The following DRC11 variants were observed in gnomAD, a reference collection of about 807,000 sequenced individuals.
The protein encoded by DRC11 is IQ and AAA domain-containing protein 1.
At chr2:236,410,430 T>A in the DRC11 span, among the ~76,000 whole-genome samples, 1 of 151,962 alleles carries the variant, frequency 6.6e-6, no homozygotes, top group Non-Finnish European at 1.5e-5. Flanking sequence ...TCCATGCTCA[T>A]GGGTAGGAAG....
the DRC11 span, among the ~76,000 whole-genome samples, chr2:236,399,033 A>C: frequency 6.6e-6 from 1 of 151,452 alleles, no homozygotes; most frequent in East Asian, 1.9e-4. The surrounding 1 kb of genome is among the most constrained non-coding windows in gnomAD (Gnocchi z 7.0). Context: ...TCTGTCATCC[A>C]GGCTGGAGTG....
chr2:236,358,821 G>A, the DRC11 span, among the ~76,000 whole-genome samples: 1 of 148,330 alleles, frequency 6.7e-6, no homozygotes, highest in Non-Finnish European at 1.5e-5. Context: ...TTCACGCTAG[G>A]TCAGGCCCCA....
the DRC11 span, among the ~76,000 whole-genome samples, chr2:236,353,952 A>G: frequency 1.1e-4 from 17 of 152,136 alleles, no homozygotes; most frequent in South Asian, 8.3e-4. The surrounding 1 kb of genome is among the most constrained non-coding windows in gnomAD (Gnocchi z 5.0). Context: ...TTAAGTTTCT[A>G]TTTCCTTGTA....
chr2:236,414,593 T>TAAACCAAA, the DRC11 span, among the ~76,000 whole-genome samples: 1 of 152,164 alleles, frequency 6.6e-6, no homozygotes, highest in East Asian at 1.9e-4. Context: ...CCCAAAGTGC[T>TAAACCAAA]GGGATTACAG....
the DRC11 span, among the ~76,000 whole-genome samples, chr2:236,402,949 C>G: frequency 6.6e-6 from 1 of 152,176 alleles, no homozygotes; most frequent in South Asian, 2.1e-4. The surrounding 1 kb of genome is among the most constrained non-coding windows in gnomAD (Gnocchi z 6.0). Flanking sequence ...GTCTGTCTGT[C>G]TGTCTCTCTC....
the DRC11 span, chr2:236,441,068 A>T: frequency 6.4e-7 from 1 of 1,560,264 alleles, no homozygotes. Flanking sequence ...AGAAAAAATA[A>T]TAGCTGACCC....
the DRC11 span, among the ~76,000 whole-genome samples, chr2:236,504,738 G>A: frequency 1.3e-5 from 2 of 152,178 alleles, no homozygotes; most frequent in East Asian, 1.9e-4. The surrounding 1 kb of genome is among the most constrained non-coding windows in gnomAD (Gnocchi z 5.0). Flanking sequence ...CATGGGGACA[G>A]TTACCTCCAT....
chr2:236,429,955 C>G, the DRC11 span, among the ~76,000 whole-genome samples: 3 of 152,068 alleles, frequency 2.0e-5, no homozygotes, highest in African/African-American at 7.2e-5. This position sits in a 1 kb window ranked among gnomAD's most constrained non-coding sequence, Gnocchi z 5.9. Flanking sequence ...TTCATGATAA[C>G]AAACCCTGAG....
the DRC11 span, among the ~76,000 whole-genome samples, chr2:236,370,082 A>G: frequency 6.6e-6 from 1 of 152,246 alleles, no homozygotes; most frequent in African/African-American, 2.4e-5. The surrounding 1 kb of genome is among the most constrained non-coding windows in gnomAD (Gnocchi z 5.5). Context: ...AGGTCATTAG[A>G]GTGGACCCTA....
At chr2:236,457,419 G>A in the DRC11 span, among the ~76,000 whole-genome samples, 2 of 152,102 alleles carry the variant, frequency 1.3e-5, no homozygotes, top group African/African-American at 2.4e-5. This position sits in a 1 kb window ranked among gnomAD's most constrained non-coding sequence, Gnocchi z 4.7. Flanking sequence ...AAATACAAAC[G>A]TCTATAATTT....
At chr2:236,376,494 T>C in the DRC11 span, among the ~76,000 whole-genome samples, 1 of 152,238 alleles carries the variant, frequency 6.6e-6, no homozygotes, top group South Asian at 2.1e-4. The surrounding 1 kb of genome is among the most constrained non-coding windows in gnomAD (Gnocchi z 5.7). Flanking sequence ...TAGGAGAATG[T>C]TGTCATTCAT....
the DRC11 span, among the ~76,000 whole-genome samples, chr2:236,352,944 T>C: frequency 1.3e-5 from 2 of 152,162 alleles, no homozygotes; most frequent in Admixed American, 1.3e-4. The surrounding 1 kb of genome is among the most constrained non-coding windows in gnomAD (Gnocchi z 7.0). Flanking sequence ...CGTGTCGTTT[T>C]TATGCGTACT....
the DRC11 span, among the ~76,000 whole-genome samples, chr2:236,424,286 T>G: frequency 1.3e-5 from 2 of 152,222 alleles, no homozygotes; most frequent in African/African-American, 4.8e-5. Context: ...TCCTTATTTG[T>G]GGAGTATAAA....
chr2:236,425,500 G>T, the DRC11 span, among the ~76,000 whole-genome samples: 2 of 151,894 alleles, frequency 1.3e-5, no homozygotes, highest in African/African-American at 4.9e-5. Flanking sequence ...TTGTTTTCTT[G>T]CTATAGCAGT....
At chr2:236,444,038 TG>T in the DRC11 span, among the ~76,000 whole-genome samples, 4 of 152,114 alleles carry the variant, frequency 2.6e-5, no homozygotes, top group East Asian at 3.8e-4. Context: ...TTAATGGGGT[TG>T]TTTTTTTTCA....
chr2:236,396,485 C>T, the DRC11 span, among the ~76,000 whole-genome samples: 1 of 152,080 alleles, frequency 6.6e-6, no homozygotes, highest in South Asian at 2.1e-4. Context: ...AGGCTTGCTT[C>T]TAGGAGGGAC....
the DRC11 span, among the ~76,000 whole-genome samples, chr2:236,400,201 C>T: frequency 1.3e-5 from 2 of 152,208 alleles, no homozygotes; most frequent in African/African-American, 2.4e-5. The surrounding 1 kb of genome is among the most constrained non-coding windows in gnomAD (Gnocchi z 7.9). Context: ...GCTACCTGCC[C>T]CATCCTTGAG....
the DRC11 span, among the ~76,000 whole-genome samples, chr2:236,464,714 C>T: frequency 1.3e-5 from 2 of 152,112 alleles, no homozygotes; most frequent in Admixed American, 6.5e-5. Flanking sequence ...GAGGTGGAGC[C>T]TGGTGGGAGG....
the DRC11 span, among the ~76,000 whole-genome samples, chr2:236,436,350 T>C: frequency 5.3e-5 from 8 of 152,196 alleles, no homozygotes; most frequent in Non-Finnish European, 1.2e-4. Context: ...ATTTTGCTAT[T>C]TGAGTTTTGT....
Sources: gnomAD v4.1 joint callset for allele counts (sites outside exome capture counted in the v4.1 genomes callset) on GRCh38, gnomAD v4.1.1 for gene constraint, Gnocchi (gnomAD v3.1) non-coding constraint, MANE v1.5 for transcripts, NCBI Gene and HGNC (gene_info 2026-07-23, HGNC 2026-07-21) for gene names.